RTL9: variants seen among roughly 807,000 people sequenced by gnomAD.
The protein encoded by RTL9 is retrotransposon Gag-like protein 9.
A neutral mutation model predicts 44.7 loss-of-function variants in RTL9; 19 were observed. The observed-to-expected ratio is 0.42, with a 90% CI of 0.30 to 0.62. The LOEUF (loss-of-function observed/expected upper bound fraction) is 0.62, where lower values mean the gene tolerates loss of function less well. Ranked by LOEUF, RTL9 falls within the 20% of genes least tolerant of loss-of-function variation. RTL9 has a pLI of 0.16. For missense variants in RTL9, 1,105 were observed against 1,080.6 expected (o/e 1.02, Z -0.32); for synonymous variants, 407 against 398.9 (o/e 1.02, Z -0.24).
intron 1 of RTL9, among the ~76,000 whole-genome samples, chrX:110,394,202 C>A (rs1010085037): frequency 8.9e-6 from 1 of 112,688 alleles, no homozygotes; most frequent in African/African-American, 3.2e-5. Flanking sequence ...GTTTAATTAA[C>A]TTATTAATGT....
At chrX:110,429,073 G>A (rs1219639201) in intron 1 of RTL9, among the ~76,000 whole-genome samples, 1 of 111,629 alleles carries the variant, frequency 9.0e-6, no homozygotes, top group Non-Finnish European at 1.9e-5. Context: ...TGTCTTCCCT[G>A]TAGATCCACC....
At chrX:110,378,620 T>C (rs1184053960) in intron 1 of RTL9, among the ~76,000 whole-genome samples, 5 of 112,292 alleles carry the variant, frequency 4.5e-5, no homozygotes, top group African/African-American at 1.3e-4. Flanking sequence ...CTACCATTCT[T>C]TGTTTTCAGA....
chrX:110,432,598 T>G (rs929126871), intron 1 of RTL9, among the ~76,000 whole-genome samples: 1 of 112,304 alleles, frequency 8.9e-6, no homozygotes, highest in Non-Finnish European at 1.9e-5. Flanking sequence ...CTGTATTGTG[T>G]GCTGGCTGCA....
chrX:110,433,816 G>A (rs1304766012), intron 1 of RTL9, among the ~76,000 whole-genome samples: 1 of 112,199 alleles, frequency 8.9e-6, no homozygotes, highest in Non-Finnish European at 1.9e-5. Context: ...TCTAACTACA[G>A]GACTTAGCAA....
chrX:110,382,323 C>A (rs1225136104), intron 1 of RTL9, among the ~76,000 whole-genome samples: 3 of 107,013 alleles, frequency 2.8e-5, no homozygotes, highest in Non-Finnish European at 5.7e-5. Context: ...TCCAATTGTA[C>A]AGGAAAAAAA....
chrX:110,422,570 A>G (rs1442353853), intron 1 of RTL9, among the ~76,000 whole-genome samples: 2 of 112,790 alleles, frequency 1.8e-5, no homozygotes, highest in Non-Finnish European at 3.7e-5. Flanking sequence ...GCTTACAAAG[A>G]ACACAAAGTG....
At chrX:110,411,203 A>C (rs1197906105) in intron 1 of RTL9, among the ~76,000 whole-genome samples, 1 of 111,937 alleles carries the variant, frequency 8.9e-6, no homozygotes, top group Non-Finnish European at 1.9e-5. Context: ...GTTCAAGTGC[A>C]CCAGAGAATG....
chrX:110,360,469 T>C (rs1239425714), intron 1 of RTL9, among the ~76,000 whole-genome samples: 2 of 111,448 alleles, frequency 1.8e-5, no homozygotes, highest in Non-Finnish European at 3.8e-5. Flanking sequence ...GATGTTATCT[T>C]GAACTAGATT....
chrX:110,434,240 G>T (rs992790925), intron 1 of RTL9, among the ~76,000 whole-genome samples: 2 of 111,798 alleles, frequency 1.8e-5, no homozygotes, highest in African/African-American at 3.3e-5. Context: ...AGTATTTGGG[G>T]TCAGCTATTC....
chrX:110,413,882 T>C (rs773073459), intron 1 of RTL9, among the ~76,000 whole-genome samples: 1 of 111,488 alleles, frequency 9.0e-6, no homozygotes, highest in African/African-American at 3.3e-5. Flanking sequence ...ATACTACCCA[T>C]CTTATGACAT....
At chrX:110,452,428 C>T in exon 1 of RTL9, 1 of 1,211,562 alleles carries the variant, frequency 8.3e-7, no homozygotes, top group African/African-American at 1.7e-5. Context: ...ATGTCCTGTC[C>T]ACAAATGAGA....
chrX:110,390,217 A>G (rs1046460776), intron 1 of RTL9, among the ~76,000 whole-genome samples: 1 of 112,138 alleles, frequency 8.9e-6, no homozygotes, highest in Non-Finnish European at 1.9e-5. Context: ...TACAAGGTAC[A>G]TAAATATATG....
intron 1 of RTL9, among the ~76,000 whole-genome samples, chrX:110,391,884 TC>T (rs36081282): frequency 8.9e-6 from 1 of 112,200 alleles, no homozygotes; most frequent in East Asian, 2.8e-4. Flanking sequence ...CCAGATTTCA[TC>T]CCTGATTTTG....
At chrX:110,404,757 AG>A (rs1342864675) in intron 1 of RTL9, among the ~76,000 whole-genome samples, 1 of 111,728 alleles carries the variant, frequency 9.0e-6, no homozygotes, top group Non-Finnish European at 1.9e-5. Context: ...TGACTCTGTC[AG>A]GGTTGCTGAA....
chrX:110,373,696 T>G lies in RTL9; in HGVS notation c.-168+14780T>G, dbSNP rs1442707735. 2.7e-5 allele frequency among the ~76,000 whole-genome samples: 3 copies of G among 112,182 alleles called. No individual in the cohort carries two copies. In the East Asian group the frequency reaches 8.3e-4, roughly 31 times the overall value. ...CTCATCTTTTTGTAGCCCTCATGTA[T>G]GAAAGAACTTTAAAATGTTGTATGT... On this transcript the variant is annotated intron_variant, in intron 1 of 2. Transcript: ENST00000520821.
At chrX:110,444,244 C>A (rs1402326529) in intron 1 of RTL9, among the ~76,000 whole-genome samples, 4 of 112,941 alleles carry the variant, frequency 3.5e-5, no homozygotes, top group African/African-American at 1.3e-4. Flanking sequence ...CCGCACTTGG[C>A]AACTTTTATT....
intron 1 of RTL9, among the ~76,000 whole-genome samples, chrX:110,379,578 T>C (rs1453518535): frequency 8.9e-6 from 1 of 112,137 alleles, no homozygotes; most frequent in Non-Finnish European, 1.9e-5. Context: ...AGTCTGGTTT[T>C]TTCAACTCAT....
intron 1 of RTL9, among the ~76,000 whole-genome samples, chrX:110,410,102 G>A (rs376278447): frequency 1.8e-5 from 2 of 111,705 alleles, no homozygotes; most frequent in Non-Finnish European, 3.8e-5. Context: ...TGACTTTCTC[G>A]TTTTATGGGT....
intron 1 of RTL9, among the ~76,000 whole-genome samples, chrX:110,364,241 T>C (rs2068282530): frequency 8.9e-6 from 1 of 111,785 alleles, no homozygotes; most frequent in Non-Finnish European, 1.9e-5. Flanking sequence ...TAAGGACACT[T>C]ATCATTGGAT....
Sources: allele counts gnomAD v4.1 joint callset (sites outside exome capture counted in the v4.1 genomes callset), GRCh38; gene constraint gnomAD v4.1.1; transcripts MANE v1.5; gene names NCBI Gene and HGNC (gene_info 2026-07-23, HGNC 2026-07-21).